IL33: variants seen among roughly 807,000 people sequenced by gnomAD.
IL33 encodes the protein interleukin-33.
IL33 carries 37 observed loss-of-function variants against 27.3 expected under a neutral mutation model. The ratio of observed to expected loss-of-function variants is 1.36; its 90% CI spans 1.04 to 1.78. The LOEUF is 1.78. Ranked by LOEUF, IL33 falls within the 40% of genes most tolerant of loss-of-function variation. IL33 has a pLI of 0.00. For missense variants in IL33, 406 were observed against 311.4 expected, an observed-to-expected ratio of 1.30 and a Z score of -2.29; for synonymous variants, 132 against 102.9, an observed-to-expected ratio of 1.28 and a Z score of -1.71.
intron 1 of IL33, among the ~76,000 whole-genome samples, chr9:6,229,694 C>G (rs1342762949): frequency 6.6e-6 from 1 of 152,098 alleles, no homozygotes; most frequent in African/African-American, 2.4e-5. Context: ...AAGCACTGAT[C>G]CAAATTACAC....
chr9:6,245,012 C>G (rs1191971761), intron 2 of IL33, among the ~76,000 whole-genome samples: 18 of 152,210 alleles, frequency 1.2e-4, no homozygotes. Flanking sequence ...AAGCCTCTCA[C>G]AACCCTTCCC....
intron 1 of IL33, among the ~76,000 whole-genome samples, chr9:6,218,004 G>A (rs981023848): frequency 1.3e-5 from 2 of 152,080 alleles, no homozygotes; most frequent in Non-Finnish European, 2.9e-5. Context: ...AATACTTAAT[G>A]CTCCTCTTTT....
At chr9:6,223,609 A>G (rs1818503495) in intron 1 of IL33, among the ~76,000 whole-genome samples, 1 of 152,170 alleles carries the variant, frequency 6.6e-6, no homozygotes, top group Non-Finnish European at 1.5e-5. Flanking sequence ...ATTCAACCAT[A>G]AAGATATTAT....
At chr9:6,217,851 C>CTAT (rs1818210220) in intron 1 of IL33, among the ~76,000 whole-genome samples, 1 of 151,986 alleles carries the variant, frequency 6.6e-6, no homozygotes, top group Non-Finnish European at 1.5e-5. Flanking sequence ...AAGTCAGAGA[C>CTAT]TTGAGAGTGA....
intron 1 of IL33, among the ~76,000 whole-genome samples, chr9:6,218,322 C>T (rs1449243841): frequency 6.6e-6 from 1 of 152,112 alleles, no homozygotes; most frequent in Non-Finnish European, 1.5e-5. Context: ...GAAAGCACCT[C>T]TTTCCCTTTC....
intron 1 of IL33, among the ~76,000 whole-genome samples, chr9:6,223,755 C>G (rs1002037187): frequency 6.6e-6 from 1 of 152,136 alleles, no homozygotes; most frequent in African/African-American, 2.4e-5. Context: ...AACTGGGGAA[C>G]ACAGAACTGA....
intron 1 of IL33, among the ~76,000 whole-genome samples, chr9:6,234,616 A>G (rs1232807822): frequency 6.6e-6 from 1 of 152,140 alleles, no homozygotes; most frequent in Non-Finnish European, 1.5e-5. Context: ...ACCAACCTGC[A>G]AGGACTCTAT....
intron 1 of IL33, among the ~76,000 whole-genome samples, chr9:6,224,720 T>C (rs888689851): frequency 5.3e-5 from 8 of 152,232 alleles, no homozygotes; most frequent in African/African-American, 1.7e-4. Context: ...CATGCATACA[T>C]GCACATACAT....
At chr9:6,224,552 T>C (rs1205137776) in intron 1 of IL33, among the ~76,000 whole-genome samples, 1 of 152,210 alleles carries the variant, frequency 6.6e-6, no homozygotes, top group Non-Finnish European at 1.5e-5. Flanking sequence ...CACTTTAGGC[T>C]TTAGAATCTG....
At chr9:6,254,339 T>C (rs1816597104) in intron 6 of IL33, 123 bp from the exon 7 acceptor site, 1 of 538,116 alleles carries the variant, frequency 1.9e-6, no homozygotes, top group African/African-American at 1.9e-5. Context: ...CTAAGATACC[T>C]GTTAGTGAAT....
At chr9:6,215,434 G>A (rs929535091), upstream of IL33, among the ~76,000 whole-genome samples, 22 of 152,094 alleles carry the variant, frequency 1.4e-4, no homozygotes, top group African/African-American at 5.1e-4. Flanking sequence ...AAAGGAATTT[G>A]GAAGAATACA....
chr9:6,218,680 A>G (rs984945396), intron 1 of IL33, among the ~76,000 whole-genome samples: 5 of 132,670 alleles, frequency 3.8e-5, no homozygotes, highest in African/African-American at 1.4e-4. Flanking sequence ...ATCCCCATAT[A>G]TATATGTTCT....
intron 1 of IL33, among the ~76,000 whole-genome samples, chr9:6,236,598 T>A (rs529413923): frequency 6.6e-6 from 1 of 152,256 alleles, no homozygotes; most frequent in East Asian, 1.9e-4. Context: ...CCGGGTGCAG[T>A]GGCTCACGCC....
rs1816750082 is a variant in IL33, at chr9:6,256,683, T to C, written c.*515T>C. 4.9e-6 allele frequency: 1 copy of C among 205,964 alleles called. No homozygotes were observed. Among genetic ancestry groups the C allele is most frequent in the African/African-American group, 2.3e-5 (1 of 43,984 alleles). 12.8% of individuals were successfully genotyped at this position (205,964 alleles called of 1,614,324 possible). A position where few individuals can be genotyped will look rare whatever the true frequency, so the allele number is the denominator to read the frequency against. On this transcript the variant is annotated 3_prime_UTR_variant, in exon 8 of 8. Transcript: ENST00000682010. Reference sequence around the variant, plus strand: ...AACTGGAATAAAACACCAGGTTTGTTTGTAGATGTCTTAGGCAACACTCAG... The same window carrying C: ...AACTGGAATAAAACACCAGGTTTGTCTGTAGATGTCTTAGGCAACACTCAG...
chr9:6,237,078 C>T (rs1278727705), intron 1 of IL33, among the ~76,000 whole-genome samples: 1 of 152,048 alleles, frequency 6.6e-6, no homozygotes, highest in East Asian at 1.9e-4. Context: ...ATGTAACTGC[C>T]TTAAATACTA....
chr9:6,252,130 A>T (rs1816433353), intron 4 of IL33, among the ~76,000 whole-genome samples: 1 of 151,642 alleles, frequency 6.6e-6, no homozygotes, highest in Non-Finnish European at 1.5e-5. Flanking sequence ...TGCCATTTCA[A>T]GCATTATTCC....
At chr9:6,246,273 G>A (rs1391318391) in intron 2 of IL33, among the ~76,000 whole-genome samples, 1 of 151,854 alleles carries the variant, frequency 6.6e-6, no homozygotes, top group African/African-American at 2.4e-5. Flanking sequence ...AGTATTAAGA[G>A]GTGGAACCGG....
intron 2 of IL33, among the ~76,000 whole-genome samples, chr9:6,246,631 T>C (rs1202556997): frequency 1.3e-5 from 2 of 152,174 alleles, no homozygotes; most frequent in East Asian, 3.9e-4. Flanking sequence ...GGCTCTGCCC[T>C]CATTAATGGA....
rs555562182 is a variant in IL33 at position 6,256,916 on chromosome 9, G to A, written c.*748G>A. Reference sequence around the variant, plus strand: ...GAGTTTAAGCAAGGCATTCTTACACGAGGAAGTGAAGTAAATTTTAGTTCA... The same window carrying A: ...GAGTTTAAGCAAGGCATTCTTACACAAGGAAGTGAAGTAAATTTTAGTTCA... On this transcript the variant is annotated 3_prime_UTR_variant, in exon 8 of 8. Transcript: ENST00000682010. 4 of 152,046 alleles carry A rather than the reference G, an allele frequency of 2.6e-5. No individual in the cohort carries two copies. The highest frequency in any genetic ancestry group is 5.9e-5 in the Non-Finnish European group (4 of 67,970). 9.4% of individuals were successfully genotyped at this position (152,046 alleles called of 1,614,324 possible). A position where few individuals can be genotyped will look rare whatever the true frequency, so the allele number is the denominator to read the frequency against.
Sources: gnomAD v4.1 joint callset for allele counts (sites outside exome capture counted in the v4.1 genomes callset) on GRCh38, gnomAD v4.1.1 for gene constraint, MANE v1.5 for transcripts, NCBI Gene and HGNC (gene_info 2026-07-23, HGNC 2026-07-21) for gene names.